The following KLHL13 variants were observed in gnomAD, a reference collection of about 807,000 sequenced individuals.
The protein encoded by KLHL13 is kelch-like protein 13.
KLHL13 carries 10 observed loss-of-function variants against 37.1 expected under a neutral mutation model. The ratio of observed to expected loss-of-function variants is 0.27; its 90% CI spans 0.17 to 0.46. KLHL13 has a LOEUF of 0.46. Among genes scored for constraint, KLHL13 ranks in the 20% least tolerant of loss-of-function variants. The probability of loss-of-function intolerance (pLI) is 1.00; values close to 1 mark genes in which losing one functional copy is unlikely to be tolerated. For synonymous variants in KLHL13, 163 were observed against 181.2 expected (o/e 0.90, Z 0.81); for missense variants, 360 against 509.3 (o/e 0.71, Z 2.82).
At chrX:118,033,105 C>A (rs2054380729) in intron 1 of KLHL13, among the ~76,000 whole-genome samples, 1 of 111,230 alleles carries the variant, frequency 9.0e-6, no homozygotes. Flanking sequence ...AAGACCAAAT[C>A]TGCGTCTGAC....
chrX:117,998,206 T>C (rs1221749241), intron 1 of KLHL13, among the ~76,000 whole-genome samples: 1 of 111,689 alleles, frequency 9.0e-6, no homozygotes, highest in Non-Finnish European at 1.9e-5. Flanking sequence ...TAAACTTCAT[T>C]GGATTTTGAG....
chrX:118,030,819 C>T (rs1209392339), intron 1 of KLHL13, among the ~76,000 whole-genome samples: 3 of 111,905 alleles, frequency 2.7e-5, no homozygotes, highest in Non-Finnish European at 5.6e-5. Context: ...TTATCTTGAA[C>T]GTCCTAGCCT....
chrX:118,033,419 G>A (rs773547683), intron 1 of KLHL13, among the ~76,000 whole-genome samples: 1 of 111,630 alleles, frequency 9.0e-6, no homozygotes, highest in East Asian at 2.8e-4. Flanking sequence ...CAAGCCAGGA[G>A]AGTGGGGGCC....
At chrX:117,905,231 A>G (rs5956811) in intron 5 of KLHL13, among the ~76,000 whole-genome samples, 7,042 of 111,422 alleles carry the variant, frequency 0.063, 532 homozygotes, top group African/African-American at 0.21. Context: ...AAGTTATTTC[A>G]TTATTTGAAA....
intron 1 of KLHL13, among the ~76,000 whole-genome samples, chrX:118,007,957 G>C (rs182728541): frequency 8.9e-6 from 1 of 112,000 alleles, no homozygotes. Context: ...CTGAAACAAA[G>C]CAATGGTACA....
intron 1 of KLHL13, among the ~76,000 whole-genome samples, chrX:118,058,851 C>T (rs1019179950): frequency 7.2e-5 from 8 of 111,439 alleles, no homozygotes; most frequent in African/African-American, 2.6e-4. Flanking sequence ...TTCATCTATT[C>T]AAAACACAGT....
At chrX:118,012,594 C>G (rs1414153285) in intron 1 of KLHL13, among the ~76,000 whole-genome samples, 1 of 102,110 alleles carries the variant, frequency 9.8e-6, no homozygotes, top group Non-Finnish European at 2.0e-5. Flanking sequence ...TAGACCTTAA[C>G]TTAATCACAT....
intron 1 of KLHL13, among the ~76,000 whole-genome samples, chrX:118,094,239 G>A (rs912790394): frequency 1.8e-5 from 2 of 111,258 alleles, no homozygotes; most frequent in Non-Finnish European, 3.8e-5. Flanking sequence ...AATATGTGAC[G>A]AATGCACAAG....
intron 1 of KLHL13, among the ~76,000 whole-genome samples, chrX:118,061,321 A>G (rs2054739234): frequency 9.0e-6 from 1 of 111,315 alleles, no homozygotes. Flanking sequence ...TTTGGTGGGC[A>G]GAGGTAAGTG....
intron 1 of KLHL13, among the ~76,000 whole-genome samples, chrX:117,963,200 T>C (rs1431126012): frequency 8.9e-6 from 1 of 111,768 alleles, no homozygotes; most frequent in Non-Finnish European, 1.9e-5. Flanking sequence ...TAGCATGACA[T>C]AAATGTGGGG....
At chrX:117,914,852 C>G (rs1931233522) in intron 4 of KLHL13, among the ~76,000 whole-genome samples, 1 of 111,992 alleles carries the variant, frequency 8.9e-6, no homozygotes, top group African/African-American at 3.2e-5. Context: ...GGTTTGAGCC[C>G]AGGCTAGGCC....
chrX:118,115,060 C>T (rs1414771183), intron 1 of KLHL13, among the ~76,000 whole-genome samples: 1 of 112,358 alleles, frequency 8.9e-6, no homozygotes, highest in African/African-American at 3.2e-5. Context: ...AACACTTGGT[C>T]ATACATCAGG....
chrX:117,921,684 A>G (rs1347757275), intron 2 of KLHL13, among the ~76,000 whole-genome samples: 1 of 112,356 alleles, frequency 8.9e-6, no homozygotes, highest in African/African-American at 3.2e-5. Context: ...AAAGAGCAAA[A>G]GGCATAACAT....
At chrX:117,916,122 C>A (rs1224879143) in intron 4 of KLHL13, among the ~76,000 whole-genome samples, 2 of 110,541 alleles carry the variant, frequency 1.8e-5, no homozygotes, top group Non-Finnish European at 3.8e-5. Flanking sequence ...CCTGCCATTG[C>A]ACTCCAGCCT....
chrX:117,935,050 C>T (rs1932706194), intron 2 of KLHL13, among the ~76,000 whole-genome samples: 1 of 112,156 alleles, frequency 8.9e-6, no homozygotes, highest in Non-Finnish European at 1.9e-5. Flanking sequence ...GGTGCAGATA[C>T]TTTGGAAAAC....
chrX:117,986,269 G>A (rs921491447), intron 1 of KLHL13, among the ~76,000 whole-genome samples: 1 of 111,930 alleles, frequency 8.9e-6, no homozygotes, highest in Non-Finnish European at 1.9e-5. Flanking sequence ...AACTCTAGAA[G>A]AAATAGCCTG....
intron 1 of KLHL13, among the ~76,000 whole-genome samples, chrX:117,986,791 T>C (rs1440768571): frequency 8.9e-6 from 1 of 111,971 alleles, no homozygotes; most frequent in Non-Finnish European, 1.9e-5. Flanking sequence ...TTTAAAAATA[T>C]TCTTTCATTA....
chrX:117,999,089 A>T (rs1254397396), intron 1 of KLHL13, among the ~76,000 whole-genome samples: 1 of 110,808 alleles, frequency 9.0e-6, no homozygotes, highest in African/African-American at 3.3e-5. Context: ...GTGGTAATGG[A>T]AGCAACCATT....
At chrX:118,064,328 C>T (rs909637947) in intron 1 of KLHL13, among the ~76,000 whole-genome samples, 2 of 111,783 alleles carry the variant, frequency 1.8e-5, no homozygotes, top group African/African-American at 6.5e-5. Context: ...CCAGTCTTTG[C>T]TTTCCTCTTC....
Sources: gnomAD v4.1 joint callset for allele counts (sites outside exome capture counted in the v4.1 genomes callset) on GRCh38, gnomAD v4.1.1 for gene constraint, MANE v1.5 for transcripts, NCBI Gene and HGNC (gene_info 2026-07-23, HGNC 2026-07-21) for gene names.